ITGA8: variants seen among roughly 807,000 people sequenced by gnomAD.
The protein encoded by ITGA8 is integrin subunit alpha 8, also known as integrin alpha-8.
ITGA8 carries 91 observed loss-of-function variants against 142.3 expected under a neutral mutation model. The ratio of observed to expected loss-of-function variants is 0.64; its 90% CI spans 0.54 to 0.76. ITGA8 has a LOEUF of 0.76. Among genes scored for constraint, ITGA8 ranks in the 30% least tolerant of loss-of-function variants. The pLI, the probability that ITGA8 is intolerant of heterozygous loss-of-function variation, is 0.00. For synonymous variants in ITGA8, 505 were observed against 485.2 expected, an observed-to-expected ratio of 1.04 and a Z score of -0.54; for missense variants, 1,406 against 1,327.7, an observed-to-expected ratio of 1.06 and a Z score of -0.92.
chr10:15,694,373 T>TATATGATAATATATCAC (rs1835004104), intron 2 of ITGA8, among the ~76,000 whole-genome samples: 1 of 133,054 alleles, frequency 7.5e-6, no homozygotes, highest in African/African-American at 3.0e-5. Context: ...TAATATATCA[T>TATATGATAATATATCAC]ATATGATAAT....
intron 21 of ITGA8, among the ~76,000 whole-genome samples, chr10:15,593,566 A>G (rs9333168): frequency 0.016 from 2,444 of 152,328 alleles, 33 homozygotes; most frequent in Non-Finnish European, 0.015. Flanking sequence ...TCAGAATCAA[A>G]CCATTAACCA....
intron 11 of ITGA8, among the ~76,000 whole-genome samples, chr10:15,651,760 T>G (rs1248097180): frequency 6.6e-6 from 1 of 152,146 alleles, no homozygotes; most frequent in African/African-American, 2.4e-5. Flanking sequence ...CCTAGCCAAG[T>G]GATTTTTTAA....
chr10:15,709,842 A>C (rs962966019), intron 2 of ITGA8, among the ~76,000 whole-genome samples: 10 of 152,112 alleles, frequency 6.6e-5, no homozygotes, highest in Non-Finnish European at 1.0e-4. Flanking sequence ...GTATCTTCTT[A>C]TTTTTACACA....
At chr10:15,714,251 A>T (rs1835411606) in intron 2 of ITGA8, among the ~76,000 whole-genome samples, 1 of 152,238 alleles carries the variant, frequency 6.6e-6, no homozygotes, top group Admixed American at 6.5e-5. Context: ...GAAGGGTTAC[A>T]GCCTAACATT....
Position 15,706,294 on chromosome 10 carries a change from A to G in ITGA8, c.343+12472T>C, listed in dbSNP as rs560244225. On this transcript the variant is annotated intron_variant, in intron 2 of 29. Coordinates refer to ENST00000378076, the MANE Select transcript of ITGA8 (RefSeq NM_003638.3). The stretch of plus-strand genomic sequence containing the variant: ...TAATTGCATTTCCAAATAAAGCCCC[A>G]AACCACCCATTTCTCAGCTCTAACT... 9.2e-5 allele frequency among the ~76,000 whole-genome samples: 14 copies of G among 152,204 alleles called. No homozygotes were observed. In the South Asian group the frequency reaches 2.9e-3, roughly 32 times the overall value.
chr10:15,629,282 A>G (rs541014058), intron 13 of ITGA8, among the ~76,000 whole-genome samples: 6 of 151,934 alleles, frequency 3.9e-5, no homozygotes, highest in Non-Finnish European at 8.8e-5. Context: ...TTTGCCCACA[A>G]GGAAATTCCT....
chr10:15,574,605 G>T (rs866611288), intron 24 of ITGA8, among the ~76,000 whole-genome samples: 7 of 152,054 alleles, frequency 4.6e-5, no homozygotes, highest in Middle Eastern at 3.4e-3. Context: ...TGGCCAGGAT[G>T]GTCTTGATCT....
intron 14 of ITGA8, among the ~76,000 whole-genome samples, chr10:15,615,106 C>T (rs745573994): frequency 3.3e-5 from 5 of 152,202 alleles, no homozygotes; most frequent in South Asian, 4.1e-4. Context: ...TTGTTGTGTC[C>T]GCTAATTGGC....
intron 25 of ITGA8, among the ~76,000 whole-genome samples, chr10:15,559,351 G>A (rs1833936355): frequency 6.6e-6 from 1 of 152,188 alleles, no homozygotes; most frequent in African/African-American, 2.4e-5. Flanking sequence ...TTGGTCTGGG[G>A]CCCATCTGTG....
At chr10:15,615,241 G>A (rs1277618443) in intron 14 of ITGA8, among the ~76,000 whole-genome samples, 1 of 152,154 alleles carries the variant, frequency 6.6e-6, no homozygotes, top group African/African-American at 2.4e-5. Context: ...CACCGCAAAC[G>A]CAAGCCCCAT....
At chr10:15,529,388 C>T in intron 28 of ITGA8, among the ~76,000 whole-genome samples, 1 of 152,180 alleles carries the variant, frequency 6.6e-6, no homozygotes, top group East Asian at 1.9e-4. Context: ...ATGTGGTGGA[C>T]TGTCTCAGAG....
intron 20 of ITGA8, among the ~76,000 whole-genome samples, chr10:15,599,934 A>C (rs1213440818): frequency 6.6e-6 from 1 of 152,072 alleles, no homozygotes; most frequent in Non-Finnish European, 1.5e-5. Flanking sequence ...AAAACAAAAC[A>C]AAACCAAAAA....
intron 2 of ITGA8, among the ~76,000 whole-genome samples, chr10:15,690,203 G>A (rs1344534805): frequency 1.3e-5 from 2 of 152,100 alleles, no homozygotes; most frequent in Admixed American, 6.5e-5. Flanking sequence ...GCCAACATTC[G>A]CACCCGGCCT....
At chr10:15,709,989 C>T (rs1835333816) in intron 2 of ITGA8, among the ~76,000 whole-genome samples, 1 of 152,148 alleles carries the variant, frequency 6.6e-6, no homozygotes, top group Admixed American at 6.5e-5. Context: ...TCTTCTAATC[C>T]AGAGCTTTAA....
At chr10:15,644,009 G>C in intron 13 of ITGA8, 21 bp downstream of exon 13, 1 of 1,600,014 alleles carries the variant, frequency 6.2e-7, no homozygotes, top group Non-Finnish European at 8.5e-7. Context: ...CTCTCACGTG[G>C]GAAAAGAAAG....
At chr10:15,619,670 C>A (rs1212238836) in intron 13 of ITGA8, among the ~76,000 whole-genome samples, 1 of 152,048 alleles carries the variant, frequency 6.6e-6, no homozygotes, top group Non-Finnish European at 1.5e-5. Context: ...TACATGTATT[C>A]TTTCTGTTAC....
intron 4 of ITGA8, 122 bp downstream of exon 4, chr10:15,683,882 C>T (rs893467996): frequency 8.1e-6 from 9 of 1,111,398 alleles, no homozygotes; most frequent in Non-Finnish European, 1.2e-5. Flanking sequence ...TTTACCTACC[C>T]CCGAAGCTTT....
At chr10:15,582,201 T>A (rs951731114) in intron 23 of ITGA8, among the ~76,000 whole-genome samples, 9 of 152,132 alleles carry the variant, frequency 5.9e-5, no homozygotes, top group Non-Finnish European at 8.8e-5. Context: ...ATTGTGCCAC[T>A]GCACTCCAGC....
chr10:15,612,111 A>T (rs1833308278), intron 15 of ITGA8, among the ~76,000 whole-genome samples: 1 of 152,160 alleles, frequency 6.6e-6, no homozygotes. Flanking sequence ...TCAGGTTTTC[A>T]TTATACTATT....
Sources: gnomAD v4.1 joint callset for allele counts (sites outside exome capture counted in the v4.1 genomes callset) on GRCh38, gnomAD v4.1.1 for gene constraint, MANE v1.5 for transcripts, NCBI Gene and HGNC (gene_info 2026-07-23, HGNC 2026-07-21) for gene names.